Variants in BCAS3 observed in about 807,000 individuals in gnomAD.
The protein encoded by BCAS3 is BCAS3 microtubule associated cell migration factor.
A neutral mutation model predicts 116.1 loss-of-function variants in BCAS3; 53 were observed. The ratio of observed to expected loss-of-function variants is 0.46; its 90% CI spans 0.37 to 0.57. The LOEUF is 0.57. Among genes scored for constraint, BCAS3 ranks in the 20% least tolerant of loss-of-function variants. The pLI is 0.00. For synonymous variants in BCAS3, 391 were observed against 408.2 expected, an observed-to-expected ratio of 0.96 and a Z score of 0.51; for missense variants, 917 against 1,165.4, an observed-to-expected ratio of 0.79 and a Z score of 3.10.
rs561900543 is a variant in BCAS3, at chr17:61,118,734, A to G, written c.2425+34170A>G. The stretch of plus-strand genomic sequence containing the variant: ...ACATTCCTGTTTTTTTTGGCAAGAG[A>G]GAGCAGCCTTTTGTTGTGACAAAAG... On this transcript the variant is annotated intron_variant, in intron 22 of 23. Transcript: ENST00000407086. This position sits in a 1 kb window ranked among gnomAD's most constrained non-coding sequence, Gnocchi z 5.0. Among the ~76,000 whole-genome samples, 3 of 152,276 alleles carry G rather than the reference A, an allele frequency of 2.0e-5. No homozygotes were observed. The South Asian group carries it at 6.2e-4, about 32-fold the overall frequency.
chr17:60,769,076 C>T (rs2144402381), intron 6 of BCAS3, among the ~76,000 whole-genome samples: 1 of 152,198 alleles, frequency 6.6e-6, no homozygotes, highest in East Asian at 1.9e-4. Flanking sequence ...AACTGGAGAC[C>T]CCAGGAGGAG....
At chr17:61,183,722 A>G (rs2079607102) in intron 22 of BCAS3, among the ~76,000 whole-genome samples, 1 of 152,242 alleles carries the variant, frequency 6.6e-6, no homozygotes, top group East Asian at 1.9e-4. Flanking sequence ...ATGCTAGGGT[A>G]GTACCTATAG....
chr17:60,973,067 C>G (rs1292543482), intron 14 of BCAS3, among the ~76,000 whole-genome samples: 9 of 152,102 alleles, frequency 5.9e-5, no homozygotes, highest in African/African-American at 1.9e-4. Flanking sequence ...AAGAAAACCA[C>G]ATTTAACAAT....
intron 16 of BCAS3, among the ~76,000 whole-genome samples, chr17:61,027,919 C>T (rs745389910): frequency 6.6e-6 from 1 of 151,706 alleles, no homozygotes; most frequent in African/African-American, 2.4e-5. Context: ...TCAAAAGAAG[C>T]TTATTTAAAT....
chr17:60,742,570 C>A (rs1176727838), intron 5 of BCAS3, among the ~76,000 whole-genome samples: 3 of 151,238 alleles, frequency 2.0e-5, no homozygotes, highest in East Asian at 4.0e-4. Context: ...GTAGCTGGGA[C>A]TACAGGTGTG....
chr17:61,056,274 G>A lies in BCAS3; in HGVS notation c.2029+15382G>A, dbSNP rs1357005466. Among the ~76,000 whole-genome samples the A allele has an allele frequency of 1.3e-5, 2 of 152,166 alleles. No individual in the cohort carries two copies. The highest frequency in any genetic ancestry group is 4.8e-5 in the African/African-American group (2 of 41,438). On this transcript the variant is annotated intron_variant, in intron 19 of 23. Coordinates refer to ENST00000407086, the MANE Select transcript of BCAS3 (RefSeq NM_017679.5). The surrounding 1 kb of genome is among the most constrained non-coding windows in gnomAD (Gnocchi z 4.9). ...AGAGCTTTACATGGTGTCAACTGAA[G>A]GACAGCCTTCCGCGAGTTGGAGTCT...
rs978313003 is a variant in BCAS3, at chr17:61,219,752, T to C, written c.2425+135188T>C. Among the ~76,000 whole-genome samples the C allele has an allele frequency of 4.6e-5, 7 of 152,174 alleles. No homozygotes were observed. Among genetic ancestry groups the C allele is most frequent in the Admixed American group, 2.6e-4 (4 of 15,268 alleles). ...CTCATCCAGCTGCTGCTTGTTTAGA[T>C]GGCCGCCTTCCTGGTGACAAGCACT... On this transcript the variant is annotated intron_variant, in intron 22 of 23. Coordinates refer to ENST00000407086, the MANE Select transcript of BCAS3 (RefSeq NM_017679.5). This position sits in a 1 kb window ranked among gnomAD's most constrained non-coding sequence, Gnocchi z 5.2.
intron 14 of BCAS3, among the ~76,000 whole-genome samples, chr17:60,950,074 G>T (rs985934829): frequency 6.6e-5 from 10 of 151,966 alleles, no homozygotes; most frequent in African/African-American, 2.4e-4. Context: ...AATATAAAAA[G>T]ACATTTTTCA....
intron 7 of BCAS3, among the ~76,000 whole-genome samples, chr17:60,830,932 TAC>T (rs2050862417): frequency 6.6e-6 from 1 of 151,826 alleles, no homozygotes; most frequent in Admixed American, 6.6e-5. Context: ...AGTGCAGTGG[TAC>T]AGTCTTGGCT....
rs747469892 is a variant in BCAS3, at chr17:61,087,245, T to A, written c.2425+2681T>A. ...GCCTGTTACTTGGAGATACGACCAGTGTGGCACCTCCTCTGTTGGTCTTCA... is the reference window on the plus strand; with the variant it reads ...GCCTGTTACTTGGAGATACGACCAGAGTGGCACCTCCTCTGTTGGTCTTCA... On this transcript the variant is annotated intron_variant, in intron 22 of 23. Transcript: ENST00000407086. This position sits in a 1 kb window ranked among gnomAD's most constrained non-coding sequence, Gnocchi z 4.6. 6 of 983,584 alleles carry A rather than the reference T, an allele frequency of 6.1e-6. No homozygotes were observed. Among genetic ancestry groups the A allele is most frequent in the Non-Finnish European group, 7.2e-6 (6 of 828,298 alleles). The allele number at this position is 983,584 out of a possible 1,614,324, so 60.9% of individuals were successfully genotyped here.
chr17:60,872,552 T>C (rs1335120162), intron 8 of BCAS3, among the ~76,000 whole-genome samples: 4 of 151,128 alleles, frequency 2.6e-5, no homozygotes, highest in South Asian at 2.1e-4. Context: ...TGTATGTATA[T>C]ACACACACCC....
At chr17:60,965,418 C>T (rs1276573066) in intron 14 of BCAS3, among the ~76,000 whole-genome samples, 2 of 151,950 alleles carry the variant, frequency 1.3e-5, no homozygotes, top group Non-Finnish European at 2.9e-5. Context: ...GATGGAGTTT[C>T]ACCATGTTGG....
At position 61,244,964 on chromosome 17, in the gene BCAS3, C is replaced by G. The variant is rs956087322; in HGVS notation, c.2426-123363C>G. Among the ~76,000 whole-genome samples, 6 of 152,156 alleles carry G rather than the reference C, an allele frequency of 3.9e-5. No individual in the cohort carries two copies. Among genetic ancestry groups the G allele is most frequent in the Non-Finnish European group, 8.8e-5 (6 of 68,030 alleles). On this transcript the variant is annotated intron_variant, in intron 22 of 23. Transcript: ENST00000407086. This position sits in a 1 kb window ranked among gnomAD's most constrained non-coding sequence, Gnocchi z 4.9. ...TTTTGTGATTTCATTATTCATCTTT[C>G]TAAATGTGGTGTAATAGACTATAAT...
chr17:61,168,999 C>T lies in BCAS3; in HGVS notation c.2425+84435C>T, dbSNP rs1044703080. Among the ~76,000 whole-genome samples the T allele has an allele frequency of 5.2e-4, 79 of 152,182 alleles. 1 individual carries two copies. Among genetic ancestry groups the T allele is most frequent in the African/African-American group, 1.8e-3 (73 of 41,446 alleles). On this transcript the variant is annotated intron_variant, in intron 22 of 23. Coordinates refer to ENST00000407086, the MANE Select transcript of BCAS3 (RefSeq NM_017679.5). ...TACTCTCACATGTGCTGAGATCAGA[C>T]AGGGGCCTGCTTTTAAATGAATCAT... is the stretch of plus-strand genomic sequence containing the variant.
chr17:60,707,362 A>G (rs1299721370), intron 4 of BCAS3, among the ~76,000 whole-genome samples: 2 of 152,180 alleles, frequency 1.3e-5, no homozygotes, highest in African/African-American at 2.4e-5. Context: ...TCCTGGGCTC[A>G]AGCGGTATGC....
chr17:61,285,077 C>G lies in BCAS3; in HGVS notation c.2426-83250C>G, dbSNP rs2051620880. ...TTGGGACCATGCCTACTGACTGATG[C>G]TAACCTCGGGGTCTCTTCTGTCCCC... On this transcript the variant is annotated intron_variant, in intron 22 of 23. Transcript: ENST00000407086. This position sits in a 1 kb window ranked among gnomAD's most constrained non-coding sequence, Gnocchi z 5.4. Among the ~76,000 whole-genome samples the G allele has an allele frequency of 6.6e-6, 1 of 152,206 alleles. No homozygotes were observed. Among genetic ancestry groups the G allele is most frequent in the Non-Finnish European group, 1.5e-5 (1 of 68,036 alleles).
chr17:60,901,426 T>A (rs528107342), intron 10 of BCAS3, among the ~76,000 whole-genome samples: 1 of 152,310 alleles, frequency 6.6e-6, no homozygotes, highest in African/African-American at 2.4e-5. Context: ...TTCTTTTTAT[T>A]TGCTAAAATG....
intron 22 of BCAS3, among the ~76,000 whole-genome samples, chr17:61,269,500 C>T (rs930940802): frequency 3.3e-5 from 5 of 152,118 alleles, no homozygotes; most frequent in African/African-American, 4.8e-5. Flanking sequence ...TGTTTTGAGG[C>T]GTCTCCATGC....
At position 60,960,786 on chromosome 17, in the gene BCAS3, T is replaced by C. The variant is rs951639471; in HGVS notation, c.1221+13434T>C. Among the ~76,000 whole-genome samples, 3 of 151,976 alleles carry C rather than the reference T, an allele frequency of 2.0e-5. No individual in the cohort carries two copies. The highest frequency in any genetic ancestry group is 4.4e-5 in the Non-Finnish European group (3 of 68,000). On this transcript the variant is annotated intron_variant, in intron 14 of 23. Coordinates refer to ENST00000407086, the MANE Select transcript of BCAS3 (RefSeq NM_017679.5). The surrounding 1 kb of genome is among the most constrained non-coding windows in gnomAD (Gnocchi z 4.1). ...GCTGCCTTCTTCTTCTTTTTCTTTTTTTTTTTTTAATCATGCCTTTGTGCC... is the reference window on the plus strand; with the variant it reads ...GCTGCCTTCTTCTTCTTTTTCTTTTCTTTTTTTTAATCATGCCTTTGTGCC...
Sources: gnomAD v4.1 joint callset for allele counts (sites outside exome capture counted in the v4.1 genomes callset) on GRCh38, gnomAD v4.1.1 for gene constraint, Gnocchi (gnomAD v3.1) non-coding constraint, MANE v1.5 for transcripts, NCBI Gene and HGNC (gene_info 2026-07-23, HGNC 2026-07-21) for gene names.